FER1L5: variants seen among roughly 807,000 people sequenced by gnomAD.
FER1L5 encodes the protein fer-1 like family member 5, also known as fer-1-like protein 5.
A neutral mutation model predicts 279.9 loss-of-function variants in FER1L5; 187 were observed. The ratio of observed to expected loss-of-function variants is 0.67; its 90% CI spans 0.59 to 0.75. The LOEUF (loss-of-function observed/expected upper bound fraction) is 0.75, where lower values mean the gene tolerates loss of function less well. Ranked by LOEUF, FER1L5 falls within the 30% of genes least tolerant of loss-of-function variation. The pLI, the probability that FER1L5 is intolerant of heterozygous loss-of-function variation, is 0.00. For synonymous variants in FER1L5, 921 were observed against 989.7 expected, an observed-to-expected ratio of 0.93 and a Z score of 1.30; for missense variants, 2,091 against 2,594.4, an observed-to-expected ratio of 0.81 and a Z score of 4.21.
chr2:96,651,292 T>TTTCG (rs1447144296), intron 6 of FER1L5, among the ~76,000 whole-genome samples: 1 of 146,102 alleles, frequency 6.8e-6, no homozygotes, highest in Non-Finnish European at 1.5e-5. Flanking sequence ...TCTTTCTTTC[T>TTTCG]TTCTTTCTTC....
At chr2:96,693,421 T>G (rs2077233983) in intron 31 of FER1L5, 85 bp from the exon 32 acceptor site, 2 of 1,386,216 alleles carry the variant, frequency 1.4e-6, no homozygotes, top group Non-Finnish European at 1.9e-6. Flanking sequence ...TGGGCCCCAC[T>G]GGGTCCAGTG....
chr2:96,642,850 T>C lies in FER1L5; in HGVS notation c.14T>C (p.Val5Ala). MLRL[V>A]VQSAKIDPPL... ...TAGGTCTCCGAGATGCTGCGGCTTG[T>C]GGTGCAGTCGGCCAAGATTGACCCA... Residue 5 changes from valine (V) to alanine (A), a missense_variant, in exon 1 of 53, where the codon GTG (valine) becomes GCG (alanine). Coordinates refer to ENST00000624922, the MANE Select transcript of FER1L5 (RefSeq NM_001293083.2). 2 of 1,550,760 alleles carry C rather than the reference T, an allele frequency of 1.3e-6. No homozygotes were observed. The highest frequency in any genetic ancestry group is 1.7e-6 in the Non-Finnish European group (2 of 1,146,546).
At chr2:96,681,691 C>T (rs1046864347) in intron 19 of FER1L5, among the ~76,000 whole-genome samples, 9 of 152,078 alleles carry the variant, frequency 5.9e-5, no homozygotes, top group African/African-American at 1.7e-4. Flanking sequence ...ATAGCTCATT[C>T]ACTGACTGCT....
intron 19 of FER1L5, among the ~76,000 whole-genome samples, chr2:96,674,504 G>T (rs535582684): frequency 7.2e-5 from 11 of 152,250 alleles, no homozygotes; most frequent in Non-Finnish European, 1.6e-4. Flanking sequence ...GATTACAGGC[G>T]TGAGCCACCG....
chr2:96,695,997 T>A, intron 36 of FER1L5, 55 bp from the exon 37 acceptor site: 4 of 1,609,322 alleles, frequency 2.5e-6, no homozygotes, highest in Non-Finnish European at 3.4e-6. Flanking sequence ...GGTTGGTGCT[T>A]CCTCCTCAGC....
Position 96,686,271 on chromosome 2 carries a change from C to G in FER1L5, c.2150C>G (p.Ala717Gly), listed in dbSNP as rs1392958002. The part of the protein sequence containing the change: ...EQRVAYAQVP[A>G]HSVLFSPAGA... ...CGAGTGGCCTATGCACAGGTGCCTG[C>G]CCACTCCGTCCTCTTCTCCCCGGCA... Residue 717 changes from alanine (A) to glycine (G), a missense_variant, in exon 23 of 53, where the codon GCC becomes GGC. Ala to Gly is a moderately conservative substitution (Grantham distance 60). Transcript: ENST00000624922. The G allele has an allele frequency of 1.9e-6, 3 of 1,551,620 alleles. No individual in the cohort carries two copies. The highest frequency in any genetic ancestry group is 2.6e-6 in the Non-Finnish European group (3 of 1,146,968).
Position 96,649,610 on chromosome 2 carries a change from C to G in FER1L5, c.340-13C>G. The G allele has an allele frequency of 6.4e-7, 1 of 1,551,158 alleles. No homozygotes were observed. Among genetic ancestry groups the G allele is most frequent in the South Asian group, 1.2e-5 (1 of 84,044 alleles). On this transcript the variant is annotated splice_polypyrimidine_tract_variant and intron_variant, in intron 4 of 52. Coordinates refer to ENST00000624922, the MANE Select transcript of FER1L5 (RefSeq NM_001293083.2). Reference sequence around the variant, plus strand: ...AGGGTCTGGCTTACAGCTCCCTTGCCTTTGTCTTGCAGTGTACTGTCACCC... The same window carrying G: ...AGGGTCTGGCTTACAGCTCCCTTGCGTTTGTCTTGCAGTGTACTGTCACCC...
intron 24 of FER1L5, among the ~76,000 whole-genome samples, chr2:96,688,681 T>C (rs2077026019): frequency 6.6e-6 from 1 of 152,094 alleles, no homozygotes; most frequent in Admixed American, 6.5e-5. Flanking sequence ...ACCAGCTCCG[T>C]AGGTCTTGGA....
At chr2:96,646,376 T>C (rs1291351826) in intron 1 of FER1L5, 25 bp from the exon 2 acceptor site, 7 of 1,551,194 alleles carry the variant, frequency 4.5e-6, no homozygotes, top group Non-Finnish European at 5.2e-6. Flanking sequence ...CTACCATCAA[T>C]GCCAGCCTCT....
In FER1L5 at chr2:96,702,844, A is replaced by T; in HGVS notation, c.5397+103A>T. The T allele has an allele frequency of 6.5e-7, 1 of 1,540,960 alleles. No individual in the cohort carries two copies. Among genetic ancestry groups the T allele is most frequent in the South Asian group, 1.2e-5 (1 of 83,428 alleles). ...CCAGAGGCTTGCAATCTGTCCCAGA[A>T]CATCAGAAACATGTCCTCAGGTGGA... On this transcript the variant is annotated intron_variant, in intron 48 of 52. Coordinates refer to ENST00000624922, the MANE Select transcript of FER1L5 (RefSeq NM_001293083.2). This position sits in a 1 kb window ranked among gnomAD's most constrained non-coding sequence, Gnocchi z 4.0.
At chr2:96,659,872 C>T (rs1401840296) in intron 9 of FER1L5, among the ~76,000 whole-genome samples, 1 of 152,096 alleles carries the variant, frequency 6.6e-6, no homozygotes, top group Non-Finnish European at 1.5e-5. Context: ...TCTGTGGCAG[C>T]TTGCCCCACA....
Position 96,687,697 on chromosome 2 carries a change from T to C in FER1L5, c.2230-119T>C. 10 of 1,443,368 alleles carry C rather than the reference T, an allele frequency of 6.9e-6. 1 individual carries two copies. The South Asian group carries it at 1.2e-4, about 18-fold the overall frequency. The allele number at this position is 1,443,368 out of a possible 1,614,324, so 89.4% of individuals were successfully genotyped here. A position where few individuals can be genotyped will look rare whatever the true frequency, so the allele number is the denominator to read the frequency against. On this transcript the variant is annotated intron_variant, in intron 23 of 52. Coordinates refer to ENST00000624922, the MANE Select transcript of FER1L5 (RefSeq NM_001293083.2). The stretch of plus-strand genomic sequence containing the variant: ...CTTACAGCTCCAGCACTCAGCTCAG[T>C]GAGGGCCCCGCTCCCAGGGCTCAGG...
Position 96,694,665 on chromosome 2 carries a change from G to A in FER1L5, c.3741+201G>A, listed in dbSNP as rs2077293839. The A allele has an allele frequency of 2.1e-6, 1 of 474,264 alleles. No homozygotes were observed. 29.4% of individuals were successfully genotyped at this position (474,264 alleles called of 1,614,324 possible). ...GGAAATCATTTTACCACAAACCTCT[G>A]CAGTGAGGAGTAGGCAAAGGGCTGT... On this transcript the variant is annotated intron_variant, in intron 34 of 52. Coordinates refer to ENST00000624922, the MANE Select transcript of FER1L5 (RefSeq NM_001293083.2). The surrounding 1 kb of genome is among the most constrained non-coding windows in gnomAD (Gnocchi z 4.6).
At position 96,690,691 on chromosome 2, in the gene FER1L5, G is replaced by A. The variant is rs1056570664; in HGVS notation, c.2743+102G>A. On this transcript the variant is annotated intron_variant, in intron 27 of 52. Transcript: ENST00000624922. Reference sequence around the variant, plus strand: ...AGCAGCCAAGCCCTCCATGGTATACGCCTAAATTCCTGGGGCCCCCTGGCC... The same window carrying A: ...AGCAGCCAAGCCCTCCATGGTATACACCTAAATTCCTGGGGCCCCCTGGCC... 2.8e-5 allele frequency: 31 copies of A among 1,101,992 alleles called. No homozygotes were observed. The African/African-American group carries it at 4.6e-4, about 16-fold the overall frequency. The allele number at this position is 1,101,992 out of a possible 1,614,324, so 68.3% of individuals were successfully genotyped here.
intron 9 of FER1L5, among the ~76,000 whole-genome samples, chr2:96,657,777 G>C (rs2075658236): frequency 6.6e-6 from 1 of 152,122 alleles, no homozygotes; most frequent in Non-Finnish European, 1.5e-5. Flanking sequence ...TGTTGCACTT[G>C]TCAGCAGTTC....
At chr2:96,650,796 A>T (rs537048910) in intron 6 of FER1L5, among the ~76,000 whole-genome samples, 2 of 152,112 alleles carry the variant, frequency 1.3e-5, no homozygotes, top group Non-Finnish European at 2.9e-5. Flanking sequence ...CCTGCTCCCC[A>T]GCCTGCTCCT....
intron 26 of FER1L5, among the ~76,000 whole-genome samples, chr2:96,690,266 C>T (rs911559384): frequency 3.9e-5 from 6 of 152,162 alleles, no homozygotes; most frequent in African/African-American, 1.4e-4. Context: ...GCTAGTCTCC[C>T]CTTTACAATG....
rs2077628138 is a variant in FER1L5 at position 96,702,614 on chromosome 2, T to C, written c.5270T>C (p.Leu1757Pro). 1 of 1,579,686 alleles carries C rather than the reference T, an allele frequency of 6.3e-7. No individual in the cohort carries two copies. Among genetic ancestry groups the C allele is most frequent in the Non-Finnish European group, 8.6e-7 (1 of 1,163,178 alleles). ...TCTGGCCCCAGGTGGTTATACGGGC[T>C]GGAGAAGGACATGCAGAAGACAGAC... ...DIYIKGWLYG[L>P]EKDMQKTDIH... The change falls in exon 48 of 53, where the codon CTG (leucine) becomes CCG (proline). Residue 1757 changes from leucine (L) to proline (P), a missense_variant. By Grantham distance (98) the Leu-to-Pro change is moderately conservative. Transcript: ENST00000624922. The surrounding 1 kb of genome is among the most constrained non-coding windows in gnomAD (Gnocchi z 4.0).
Position 96,702,773 on chromosome 2 carries a change from C to T in FER1L5, c.5397+32C>T, listed in dbSNP as rs760990240. On this transcript the variant is annotated intron_variant, in intron 48 of 52. Coordinates refer to ENST00000624922, the MANE Select transcript of FER1L5 (RefSeq NM_001293083.2). This position sits in a 1 kb window ranked among gnomAD's most constrained non-coding sequence, Gnocchi z 4.0. ...GGCCTGGGGCGTGAGGGGCAACAGGCCACAACAAACAGACCCAGGCTCCTG... is the reference window on the plus strand; with the variant it reads ...GGCCTGGGGCGTGAGGGGCAACAGGTCACAACAAACAGACCCAGGCTCCTG... The T allele has an allele frequency of 6.2e-7, 1 of 1,609,274 alleles. No homozygotes were observed. The highest frequency in any genetic ancestry group is 1.1e-5 in the South Asian group (1 of 90,346).
Sources: allele counts gnomAD v4.1 joint callset (sites outside exome capture counted in the v4.1 genomes callset), GRCh38; gene constraint gnomAD v4.1.1; non-coding constraint Gnocchi (gnomAD v3.1); transcripts MANE v1.5; gene names NCBI Gene and HGNC (gene_info 2026-07-23, HGNC 2026-07-21).